SFI1: variants seen among roughly 807,000 people sequenced by gnomAD.
The protein encoded by SFI1 is protein SFI1 homolog.
In SFI1, 195 loss-of-function variants were observed where a neutral mutation model predicts 207.5. That is an observed-to-expected ratio of 0.94 (90% CI 0.84 to 1.06). The LOEUF is 1.06. Among genes scored for constraint, SFI1 ranks in the 50% least tolerant of loss-of-function variants. The probability of loss-of-function intolerance (pLI) is 0.00; values close to 1 mark genes in which losing one functional copy is unlikely to be tolerated. For synonymous variants in SFI1, 630 were observed against 598.9 expected (o/e 1.05, Z -0.76); for missense variants, 1,634 against 1,588.0 (o/e 1.03, Z -0.49).
intron 11 of SFI1, chr22:31,580,002 T>C: frequency 1.0e-5 from 3 of 300,042 alleles, no homozygotes. Flanking sequence ...TCTTTCCTGG[T>C]GTGGGTGTGT....
intron 1 of SFI1, among the ~76,000 whole-genome samples, chr22:31,500,907 C>T (rs1290864231): frequency 2.6e-5 from 4 of 151,432 alleles, no homozygotes; most frequent in Non-Finnish European, 5.9e-5. Context: ...TCAAGCAATT[C>T]TCCTGCCTCA....
At chr22:31,559,627 CGTT>C (rs2061484022) in intron 7 of SFI1, 1 of 704,230 alleles carries the variant, frequency 1.4e-6, no homozygotes, top group African/African-American at 1.7e-5. Flanking sequence ...GGAAAGCTGA[CGTT>C]GACCTCACCA....
chr22:31,554,617 T>G (rs997603731), intron 6 of SFI1, among the ~76,000 whole-genome samples: 5 of 150,840 alleles, frequency 3.3e-5, no homozygotes, highest in African/African-American at 7.3e-5. Context: ...CTTTTTTTTT[T>G]TTTTTCAGAT....
chr22:31,581,787 G>A (rs2146137461), intron 12 of SFI1, among the ~76,000 whole-genome samples: 1 of 152,014 alleles, frequency 6.6e-6, no homozygotes, highest in South Asian at 2.1e-4. Context: ...AGTATAATAA[G>A]CCTCTATATA....
intron 2 of SFI1, among the ~76,000 whole-genome samples, chr22:31,527,135 G>A (rs1246079776): frequency 2.0e-5 from 3 of 152,196 alleles, no homozygotes; most frequent in African/African-American, 7.2e-5. Flanking sequence ...GACCTCAGGT[G>A]ACCCTCCCGC....
intron 2 of SFI1, among the ~76,000 whole-genome samples, chr22:31,520,855 A>T (rs907935033): frequency 6.6e-6 from 1 of 150,882 alleles, no homozygotes; most frequent in African/African-American, 2.4e-5. Flanking sequence ...AAAAAAAAAA[A>T]TAGCCAGGTG....
At chr22:31,551,692 A>G (rs1444377066) in intron 6 of SFI1, among the ~76,000 whole-genome samples, 1 of 152,142 alleles carries the variant, frequency 6.6e-6, no homozygotes, top group Non-Finnish European at 1.5e-5. Flanking sequence ...CGCTCTCCCA[A>G]AGTGCTGGCA....
chr22:31,508,072 T>C (rs2146604777), intron 1 of SFI1, among the ~76,000 whole-genome samples, 183 bp from the exon 2 acceptor site: 1 of 151,966 alleles, frequency 6.6e-6, no homozygotes. Context: ...CAAGACTTCG[T>C]CTCAAAAAAA....
intron 4 of SFI1, among the ~76,000 whole-genome samples, chr22:31,535,170 A>T (rs1350222694): frequency 3.5e-5 from 5 of 143,638 alleles, no homozygotes; most frequent in African/African-American, 1.3e-4. Flanking sequence ...CCCGGCCTCA[A>T]ATGCTTTTTT....
At chr22:31,594,973 G>A (rs1381718895) in intron 15 of SFI1, among the ~76,000 whole-genome samples, 1 of 151,384 alleles carries the variant, frequency 6.6e-6, no homozygotes, top group Non-Finnish European at 1.5e-5. Flanking sequence ...ACATAATGAA[G>A]AAATAATAAT....
chr22:31,498,583 A>G (rs1330927906), intron 1 of SFI1, among the ~76,000 whole-genome samples: 1 of 149,396 alleles, frequency 6.7e-6, no homozygotes, highest in Non-Finnish European at 1.5e-5. Flanking sequence ...CCCAGGAGGC[A>G]GAGGTTGCAG....
In SFI1 at chr22:31,550,306, C is replaced by T. The variant is rs535830145; in HGVS notation, c.502C>T (p.Gln168Ter). The T allele has an allele frequency of 1.2e-6, 2 of 1,614,080 alleles. No individual in the cohort carries two copies. Among genetic ancestry groups the T allele is most frequent in the Admixed American group, 1.7e-5 (1 of 59,998 alleles). The change falls in exon 6 of 33, where the codon CAG becomes TAG. Residue 168 changes from glutamine to a stop codon, truncating the protein, a stop_gained. Coordinates refer to ENST00000400288, the MANE Select transcript of SFI1 (RefSeq NM_001007467.3). LOFTEE classifies it high-confidence loss of function. ...GACGTGGAAGACCTATGTGCGTCAG[C>T]AGCAGGAGATGAGGAACAAGTACAT... ...FQTWKTYVRQQQEMRNKYIRA... is the reference protein window; with the variant it reads ...FQTWKTYVRQ
intron 6 of SFI1, among the ~76,000 whole-genome samples, chr22:31,553,836 ATGTTTT>A (rs2060876198): frequency 1.4e-4 from 3 of 21,950 alleles, no homozygotes; most frequent in African/African-American, 1.4e-4. Context: ...TTAATGGATT[ATGTTTT>A]TTTTTTTTTT....
Position 31,565,162 on chromosome 22 carries a change from A to G in SFI1, c.765+3770A>G, listed in dbSNP as rs1169771708. 2.6e-5 allele frequency among the ~76,000 whole-genome samples: 4 copies of G among 152,172 alleles called. No homozygotes were observed. In the South Asian group the frequency reaches 8.3e-4, roughly 32 times the overall value. ...GTAACAAAATTTAATGGACACTGCC[A>G]AAGCTTTACCCTCCCTCCGTCCCTT... On this transcript the variant is annotated intron_variant, in intron 8 of 32. Coordinates refer to ENST00000400288, the MANE Select transcript of SFI1 (RefSeq NM_001007467.3).
chr22:31,542,975 CTT>C (rs377269654), intron 4 of SFI1, among the ~76,000 whole-genome samples: 10 of 124,804 alleles, frequency 8.0e-5, no homozygotes, highest in Admixed American at 1.7e-4. Flanking sequence ...TTTTTTTTTT[CTT>C]TTTTTTTTTT....
At position 31,611,289 on chromosome 22, in the gene SFI1, T is replaced by C. The variant is rs775582174; in HGVS notation, c.2401T>C (p.Cys801Arg). The stretch of plus-strand genomic sequence containing the variant: ...CCGGTGGAAGACGCACCATCTGCAG[T>C]GTGTCAGGAAGAGGGTGAGGCTGAC... Reference protein sequence around the residue: ...LARWKTHHLQCVRKRLLHRQS... With the variant: ...LARWKTHHLQRVRKRLLHRQS... Residue 801 changes from cysteine (C) to arginine (R), a missense_variant, in exon 23 of 33, where the codon TGT becomes CGT. Coordinates refer to ENST00000400288, the MANE Select transcript of SFI1 (RefSeq NM_001007467.3). The C allele has an allele frequency of 3.7e-6, 6 of 1,605,874 alleles. No homozygotes were observed. The highest frequency in any genetic ancestry group is 5.1e-6 in the Non-Finnish European group (6 of 1,175,118).
At chr22:31,500,038 A>G (rs2053462394) in intron 1 of SFI1, among the ~76,000 whole-genome samples, 1 of 150,620 alleles carries the variant, frequency 6.6e-6, no homozygotes, top group Non-Finnish European at 1.5e-5. Flanking sequence ...ATGCAGTATA[A>G]TCCTGCATTA....
At chr22:31,516,235 G>A (rs546626778) in intron 2 of SFI1, among the ~76,000 whole-genome samples, 22 of 152,012 alleles carry the variant, frequency 1.4e-4, no homozygotes, top group Admixed American at 9.8e-4. Context: ...ATTTTAAGCC[G>A]GGTGCCGTGG....
chr22:31,554,550 C>T (rs572206198), intron 6 of SFI1, among the ~76,000 whole-genome samples: 4 of 151,286 alleles, frequency 2.6e-5, no homozygotes, highest in East Asian at 2.0e-4. Context: ...CCTCGTGATC[C>T]GCCCACCTCG....
Sources: allele counts gnomAD v4.1 joint callset (sites outside exome capture counted in the v4.1 genomes callset), GRCh38; gene constraint gnomAD v4.1.1; transcripts MANE v1.5; gene names NCBI Gene and HGNC (gene_info 2026-07-23, HGNC 2026-07-21).